The following C12orf42 variants were observed in gnomAD, a reference collection of about 807,000 sequenced individuals.
C12orf42 encodes the protein uncharacterized protein C12orf42.
A neutral mutation model predicts 21.6 loss-of-function variants in C12orf42; 25 were observed. That is an observed-to-expected ratio of 1.16 (90% CI 0.84 to 1.62). C12orf42 has a LOEUF of 1.62. Ranked by LOEUF, C12orf42 falls within the 40% of genes most tolerant of loss-of-function variation. C12orf42 has a pLI of 0.00. For missense variants in C12orf42, 483 were observed against 459.3 expected (o/e 1.05, Z -0.47); for synonymous variants, 174 against 175.0 (o/e 0.99, Z 0.05).
the C12orf42 span, among the ~76,000 whole-genome samples, chr12:103,107,375 C>T: frequency 1.3e-5 from 2 of 151,884 alleles, no homozygotes; most frequent in African/African-American, 2.4e-5. Flanking sequence ...CAAAAAGTCA[C>T]AATGCAATTG....
chr12:103,369,264 T>C (rs1346452522), intron 3 of C12orf42, among the ~76,000 whole-genome samples: 1 of 152,114 alleles, frequency 6.6e-6, no homozygotes. Flanking sequence ...AGTTACACTA[T>C]ATGCTAGATA....
At chr12:103,271,030 G>C (rs1484718408) in intron 5 of C12orf42, among the ~76,000 whole-genome samples, 1 of 152,086 alleles carries the variant, frequency 6.6e-6, no homozygotes, top group Non-Finnish European at 1.5e-5. Context: ...TGCTTTGCCA[G>C]GGGCAAAGCA....
At chr12:103,390,111 G>A (rs2046947304) in intron 3 of C12orf42, among the ~76,000 whole-genome samples, 1 of 152,102 alleles carries the variant, frequency 6.6e-6, no homozygotes, top group African/African-American at 2.4e-5. Flanking sequence ...AGGTTCTACT[G>A]TCTGATTTTT....
chr12:103,236,583 A>G (rs554484339), downstream of C12orf42, among the ~76,000 whole-genome samples: 3 of 152,338 alleles, frequency 2.0e-5, no homozygotes, highest in East Asian at 1.9e-4. Flanking sequence ...AGCAAGACAC[A>G]TGGAGGGTCT....
chr12:103,120,718 GTTA>G, the C12orf42 span, among the ~76,000 whole-genome samples: 1 of 149,072 alleles, frequency 6.7e-6, no homozygotes, highest in Non-Finnish European at 1.5e-5. Context: ...TATAATATCT[GTTA>G]TTACTATAAT....
chr12:103,480,690 T>C (rs1429180344), intron 1 of C12orf42, among the ~76,000 whole-genome samples: 1 of 151,748 alleles, frequency 6.6e-6, no homozygotes, highest in Non-Finnish European at 1.5e-5. Flanking sequence ...GTTGTTTAAA[T>C]GTATGCTATT....
intron 2 of C12orf42, among the ~76,000 whole-genome samples, chr12:103,471,438 C>G (rs1319561825): frequency 6.6e-6 from 1 of 152,158 alleles, no homozygotes; most frequent in African/African-American, 2.4e-5. Flanking sequence ...ACCTAAACAG[C>G]CAACAGAGGT....
chr12:103,222,220 C>T, the C12orf42 span, among the ~76,000 whole-genome samples: 145 of 151,134 alleles, frequency 9.6e-4, no homozygotes, highest in African/African-American at 3.3e-3. Flanking sequence ...AGAGAGTCAG[C>T]GAAGGGAGAT....
At chr12:103,287,420 TG>T in intron 4 of C12orf42, among the ~76,000 whole-genome samples, 1 of 151,476 alleles carries the variant, frequency 6.6e-6, no homozygotes, top group African/African-American at 2.4e-5. Context: ...TGGATGAAGC[TG>T]GAAACCATCA....
the C12orf42 span, among the ~76,000 whole-genome samples, chr12:103,513,940 T>C: frequency 1.4e-4 from 21 of 152,206 alleles, 1 homozygote; most frequent in African/African-American, 4.3e-4. Context: ...AGAGAAAGGA[T>C]GGTGTATTAA....
intron 10 of C12orf42, among the ~76,000 whole-genome samples, chr12:103,253,580 ACTT>A (rs1392352416): frequency 6.6e-6 from 1 of 151,982 alleles, no homozygotes; most frequent in Non-Finnish European, 1.5e-5. Flanking sequence ...TGTGAATGGG[ACTT>A]CACTCATGAT....
At chr12:103,092,876 C>T in the C12orf42 span, among the ~76,000 whole-genome samples, 2 of 152,218 alleles carry the variant, frequency 1.3e-5, no homozygotes, top group South Asian at 4.1e-4. Flanking sequence ...TCCAGAAACA[C>T]TTAGCCTGAC....
At chr12:103,460,949 T>C (rs1379691331) in intron 2 of C12orf42, among the ~76,000 whole-genome samples, 1 of 152,204 alleles carries the variant, frequency 6.6e-6, no homozygotes, top group Non-Finnish European at 1.5e-5. Context: ...CATGATCATC[T>C]GGGATTTTCT....
At chr12:103,136,094 A>G in the C12orf42 span, among the ~76,000 whole-genome samples, 8 of 152,208 alleles carry the variant, frequency 5.3e-5, no homozygotes, top group Non-Finnish European at 1.2e-4. Context: ...ATTGGGAAAG[A>G]GGAAGTCAAA....
chr12:103,497,878 A>T (rs2374073), upstream of C12orf42, among the ~76,000 whole-genome samples: 24,712 of 151,912 alleles, frequency 0.16, 2,568 homozygotes, highest in African/African-American at 0.28. Context: ...AAAACAAAAT[A>T]AAAAAAATTA....
At chr12:103,169,110 G>A in the C12orf42 span, among the ~76,000 whole-genome samples, 179 of 151,778 alleles carry the variant, frequency 1.2e-3, 2 homozygotes, top group African/African-American at 4.2e-3. Flanking sequence ...GTATACCTAT[G>A]TAACAAATCT....
chr12:103,356,037 A>G (rs2043515385), intron 4 of C12orf42, among the ~76,000 whole-genome samples: 1 of 152,136 alleles, frequency 6.6e-6, no homozygotes, highest in South Asian at 2.1e-4. Context: ...GTGCAGAGAC[A>G]TTAAGCCCAA....
At chr12:103,076,450 G>C in the C12orf42 span, among the ~76,000 whole-genome samples, 1 of 152,090 alleles carries the variant, frequency 6.6e-6, no homozygotes, top group Non-Finnish European at 1.5e-5. Context: ...GCACCTATAG[G>C]TTTACTCATG....
At chr12:103,173,749 C>T in the C12orf42 span, among the ~76,000 whole-genome samples, 1 of 152,118 alleles carries the variant, frequency 6.6e-6, no homozygotes, top group Non-Finnish European at 1.5e-5. Flanking sequence ...ACTTCTTCTT[C>T]TCCTGATTAA....
Sources: gnomAD v4.1 joint callset for allele counts (sites outside exome capture counted in the v4.1 genomes callset) on GRCh38, gnomAD v4.1.1 for gene constraint, MANE v1.5 for transcripts, NCBI Gene and HGNC (gene_info 2026-07-23, HGNC 2026-07-21) for gene names.